The following ARPC5L variants were observed in gnomAD, a reference collection of about 807,000 sequenced individuals.
ARPC5L encodes the protein actin-related protein 2/3 complex subunit 5-like protein.
In ARPC5L, 4 loss-of-function variants were observed where a neutral mutation model predicts 16.9. The ratio of observed to expected loss-of-function variants is 0.24; its 90% CI spans 0.12 to 0.54. ARPC5L has a LOEUF of 0.54. Among genes scored for constraint, ARPC5L ranks in the 20% least tolerant of loss-of-function variants. The probability of loss-of-function intolerance (pLI) is 0.95; values close to 1 mark genes in which losing one functional copy is unlikely to be tolerated. For synonymous variants in ARPC5L, 78 were observed against 82.6 expected, an observed-to-expected ratio of 0.94 and a Z score of 0.30; for missense variants, 151 against 201.9, an observed-to-expected ratio of 0.75 and a Z score of 1.53.
At chr9:124,866,115 A>G (rs1320407822) in intron 2 of ARPC5L, among the ~76,000 whole-genome samples, 1 of 151,426 alleles carries the variant, frequency 6.6e-6, no homozygotes, top group East Asian at 1.9e-4. Flanking sequence ...AAAAAAACAA[A>G]AAAACAGGTC....
intron 3 of ARPC5L, among the ~76,000 whole-genome samples, chr9:124,869,993 G>C (rs565872187): frequency 2.6e-5 from 4 of 152,188 alleles, no homozygotes; most frequent in African/African-American, 4.8e-5. Flanking sequence ...CCGTATTTCA[G>C]CCCTGGGGTC....
intron 3 of ARPC5L, 64 bp downstream of exon 3, chr9:124,869,503 C>G (rs931535493): frequency 1.4e-6 from 2 of 1,399,738 alleles, no homozygotes; most frequent in Non-Finnish European, 1.8e-6. Context: ...ACCTTCCCAC[C>G]TTCTCGGGCC....
chr9:124,866,264 T>A (rs1436437964), intron 2 of ARPC5L, among the ~76,000 whole-genome samples: 4 of 141,614 alleles, frequency 2.8e-5, no homozygotes, highest in Non-Finnish European at 6.1e-5. Context: ...ATTAGCCAGG[T>A]GTGGTGGCAG....
At chr9:124,871,901 C>T (rs779769004) in intron 3 of ARPC5L, among the ~76,000 whole-genome samples, 3 of 152,100 alleles carry the variant, frequency 2.0e-5, no homozygotes, top group Non-Finnish European at 4.4e-5. Flanking sequence ...TCAGTTGTGC[C>T]GTGATTGAGG....
intron 4 of ARPC5L, 37 bp from the exon 5 acceptor site, chr9:124,874,938 G>A (rs751650396): frequency 7.4e-6 from 12 of 1,612,002 alleles, no homozygotes; most frequent in African/African-American, 2.7e-5. Flanking sequence ...CGGTGCCTTC[G>A]CAGCTCTGGG....
At chr9:124,876,846 A>G in intron 5 of ARPC5L, 32 bp from the exon 6 acceptor site, 1 of 1,601,164 alleles carries the variant, frequency 6.2e-7, no homozygotes, top group Non-Finnish European at 8.5e-7. Flanking sequence ...GCCAGGTCTC[A>G]TCTGACACGT....
At chr9:124,869,529 C>T (rs949191254) in intron 3 of ARPC5L, 90 bp downstream of exon 3, 2 of 1,391,102 alleles carry the variant, frequency 1.4e-6, no homozygotes, top group East Asian at 3.1e-5. Flanking sequence ...GGGCGGGCCT[C>T]CCCTGTCTCC....
At chr9:124,866,144 C>T (rs1244983829) in intron 2 of ARPC5L, among the ~76,000 whole-genome samples, 1 of 151,974 alleles carries the variant, frequency 6.6e-6, no homozygotes, top group African/African-American at 2.4e-5. Flanking sequence ...TGGCTCACGT[C>T]TGTAATCCCA....
At position 124,873,770 on chromosome 9, in the gene ARPC5L, G is replaced by A. The variant is rs1829393427; in HGVS notation, c.222+6G>A. On this transcript the variant is annotated splice_donor_region_variant and intron_variant, in intron 4 of 5. Coordinates refer to ENST00000353214, the MANE Select transcript of ARPC5L (RefSeq NM_030978.3). ...CCAAGAATCAAGCTGTGAAGGTAAA[G>A]GGGTGGCGCTGCGGCTCTGCTGGGT... 1 of 1,614,168 alleles carries A rather than the reference G, an allele frequency of 6.2e-7. No individual in the cohort carries two copies.
At chr9:124,863,663 A>C (rs913878263) in intron 1 of ARPC5L, among the ~76,000 whole-genome samples, 2 of 152,252 alleles carry the variant, frequency 1.3e-5, no homozygotes, top group African/African-American at 4.8e-5. Context: ...ATTGGTGTTC[A>C]TGTTCCCAGA....
chr9:124,875,022 C>T lies in ARPC5L; in HGVS notation c.270C>T (p.Ser90=), dbSNP rs765638845. 12 of 1,613,934 alleles carry T rather than the reference C, an allele frequency of 7.4e-6. No homozygotes were observed. Among genetic ancestry groups the T allele is most frequent in the Non-Finnish European group, 9.3e-6 (11 of 1,179,930 alleles). Reference sequence around the variant, plus strand: ...TGAAAGTGCTCACAAACTTCAAGAGCAGTGAGATTGAGCAGGCTGTGCAGT... The same window carrying T: ...TGAAAGTGCTCACAAACTTCAAGAGTAGTGAGATTGAGCAGGCTGTGCAGT... The part of the protein sequence containing the change: ...VVLKVLTNFK[S]SEIEQAVQSL... The change falls in exon 5 of 6, where the codon AGC becomes AGT. Residue 90 remains serine (S), a synonymous_variant. Coordinates refer to ENST00000353214, the MANE Select transcript of ARPC5L (RefSeq NM_030978.3).
chr9:124,872,826 C>T (rs909487994), intron 3 of ARPC5L: 2 of 152,244 alleles, frequency 1.3e-5, no homozygotes, highest in African/African-American at 4.8e-5. Flanking sequence ...CTGGGGAAGC[C>T]AGGAGATTCA....
At chr9:124,866,897 A>G (rs1829278071) in intron 2 of ARPC5L, among the ~76,000 whole-genome samples, 1 of 152,066 alleles carries the variant, frequency 6.6e-6, no homozygotes, top group African/African-American at 2.4e-5. Context: ...CCCTTTTCAA[A>G]CAATTCAGAC....
At chr9:124,872,330 C>G (rs571923869) in intron 3 of ARPC5L, among the ~76,000 whole-genome samples, 1 of 152,264 alleles carries the variant, frequency 6.6e-6, no homozygotes, top group South Asian at 2.1e-4. Flanking sequence ...CGCGGTGGCT[C>G]ACACCTGTAA....
At chr9:124,875,187 C>T in intron 5 of ARPC5L, 36 bp downstream of exon 5, 2 of 1,598,784 alleles carry the variant, frequency 1.3e-6, no homozygotes, top group Non-Finnish European at 1.7e-6. Flanking sequence ...AGTGAGCCAC[C>T]TGGCTTGCCT....
intron 1 of ARPC5L, among the ~76,000 whole-genome samples, chr9:124,862,652 GTAGCTGGGAT>G (rs1317665018): frequency 6.6e-6 from 1 of 151,162 alleles, no homozygotes; most frequent in Non-Finnish European, 1.5e-5. Context: ...GAGTAGCTGA[GTAGCTGGGAT>G]TACAGGCATG....
intron 3 of ARPC5L, chr9:124,873,384 A>C (rs1829387656): frequency 2.5e-6 from 1 of 395,954 alleles, no homozygotes; most frequent in Admixed American, 4.0e-5. Flanking sequence ...GGGGAGATAC[A>C]GTGCTCAGCA....
At chr9:124,876,394 G>A (rs1200792924) in intron 5 of ARPC5L, among the ~76,000 whole-genome samples, 1 of 152,108 alleles carries the variant, frequency 6.6e-6, no homozygotes, top group Non-Finnish European at 1.5e-5. Flanking sequence ...GGCTGAGGCA[G>A]GAGAAGCGCT....
At chr9:124,874,707 T>TTCTCTCTC (rs35052557) in intron 4 of ARPC5L, among the ~76,000 whole-genome samples, 39 of 149,474 alleles carry the variant, frequency 2.6e-4, no homozygotes, top group Admixed American at 1.5e-3. Flanking sequence ...CTCTTTTCTC[T>TTCTCTCTC]TCTCTCTCTC....
Sources: gnomAD v4.1 joint callset for allele counts (sites outside exome capture counted in the v4.1 genomes callset) on GRCh38, gnomAD v4.1.1 for gene constraint, MANE v1.5 for transcripts, NCBI Gene and HGNC (gene_info 2026-07-23, HGNC 2026-07-21) for gene names.